Variants in PLCB4 observed in about 807,000 individuals in gnomAD.
PLCB4 encodes the protein 1-phosphatidylinositol 4,5-bisphosphate phosphodiesterase beta-4.
A neutral mutation model predicts 178.8 loss-of-function variants in PLCB4; 77 were observed. That is an observed-to-expected ratio of 0.43 (90% CI 0.36 to 0.52). The LOEUF (loss-of-function observed/expected upper bound fraction) is 0.52. Among genes scored for constraint, PLCB4 ranks in the 20% least tolerant of loss-of-function variants. The pLI is 0.00. For synonymous variants in PLCB4, 496 were observed against 490.8 expected (o/e 1.01, Z -0.14); for missense variants, 1,024 against 1,453.4 (o/e 0.70, Z 4.80).
intron 1 of PLCB4, among the ~76,000 whole-genome samples, chr20:9,082,249 A>G (rs1393357146): frequency 6.6e-6 from 1 of 152,218 alleles, no homozygotes; most frequent in Non-Finnish European, 1.5e-5. Flanking sequence ...TCTTTTCAAA[A>G]TGACCTGCAA....
chr20:9,333,306 T>G (rs1488343333), intron 4 of PLCB4, among the ~76,000 whole-genome samples: 1 of 152,036 alleles, frequency 6.6e-6, no homozygotes, highest in Non-Finnish European at 1.5e-5. Context: ...AGTCAGTAAA[T>G]CAAGGATCAG....
chr20:9,154,634 C>T (rs896517767), intron 2 of PLCB4, among the ~76,000 whole-genome samples: 1 of 152,072 alleles, frequency 6.6e-6, no homozygotes, highest in Non-Finnish European at 1.5e-5. Context: ...AGATATTGAT[C>T]AGCTACCATA....
intron 12 of PLCB4, among the ~76,000 whole-genome samples, chr20:9,374,266 A>G (rs1046291420): frequency 7.2e-5 from 11 of 152,298 alleles, no homozygotes; most frequent in Middle Eastern, 3.4e-3. Flanking sequence ...TTCGTGTACA[A>G]TACAATGTTT....
chr20:9,436,897 G>A (rs2041806924), intron 29 of PLCB4, 105 bp from the exon 30 acceptor site: 1 of 1,053,334 alleles, frequency 9.5e-7, no homozygotes, highest in African/African-American at 1.6e-5. Context: ...AGAAGTCTAG[G>A]AAGAGTATGG....
At chr20:9,310,943 T>C (rs2094826447) in intron 4 of PLCB4, among the ~76,000 whole-genome samples, 1 of 152,250 alleles carries the variant, frequency 6.6e-6, no homozygotes, top group Admixed American at 6.5e-5. Flanking sequence ...ATGACACTTC[T>C]AATTCTGTAC....
intron 2 of PLCB4, among the ~76,000 whole-genome samples, chr20:9,173,193 C>T (rs578202008): frequency 2.5e-4 from 38 of 152,302 alleles, no homozygotes; most frequent in African/African-American, 8.2e-4. Flanking sequence ...ATTGTTTTAT[C>T]CATCCTGTGT....
intron 20 of PLCB4, among the ~76,000 whole-genome samples, chr20:9,404,229 G>C (rs1038138107): frequency 2.0e-5 from 3 of 152,166 alleles, no homozygotes; most frequent in African/African-American, 7.2e-5. Context: ...TGGTGCAAAG[G>C]TGTGGCCCTT....
Position 9,142,383 on chromosome 20 carries a change from T to C in PLCB4, c.-79+46041T>C, listed in dbSNP as rs140761409. ...TGGAAATGGATGGTCACGCCAAGGT[T>C]GTGTGGACCAGAGGAATGGAATAGC... On this transcript the variant is annotated intron_variant, in intron 2 of 39. Coordinates refer to ENST00000378473, the MANE Select transcript of PLCB4 (RefSeq NM_001377142.1). Among the ~76,000 whole-genome samples, 16 of 152,228 alleles carry C rather than the reference T, an allele frequency of 1.1e-4. No individual in the cohort carries two copies. In the East Asian group the frequency reaches 2.7e-3, roughly 26 times the overall value.
intron 10 of PLCB4, 26 bp downstream of exon 10, chr20:9,371,321 T>C: frequency 8.0e-7 from 1 of 1,243,856 alleles, no homozygotes; most frequent in South Asian, 1.2e-5. Flanking sequence ...ATAATGTATT[T>C]CTAAAACCAT....
intron 1 of PLCB4, among the ~76,000 whole-genome samples, chr20:9,078,133 A>AGCACACCTG (rs2089962267): frequency 6.6e-6 from 1 of 151,866 alleles, no homozygotes; most frequent in African/African-American, 2.4e-5. Context: ...GGCGCACACT[A>AGCACACCTG]GCACACCTGG....
At chr20:9,419,733 C>A in intron 25 of PLCB4, 74 bp from the exon 26 acceptor site, 1 of 902,350 alleles carries the variant, frequency 1.1e-6, no homozygotes, top group Non-Finnish European at 1.9e-6. Flanking sequence ...AAGGAAGCAT[C>A]CATTGTTTCA....
intron 4 of PLCB4, among the ~76,000 whole-genome samples, chr20:9,326,831 G>A (rs1366485893): frequency 6.6e-6 from 1 of 152,064 alleles, no homozygotes; most frequent in African/African-American, 2.4e-5. Context: ...AGTCAACCCA[G>A]AGTTACGAAC....
At chr20:9,369,183 A>C (rs1452195698) in intron 9 of PLCB4, among the ~76,000 whole-genome samples, 1 of 152,058 alleles carries the variant, frequency 6.6e-6, no homozygotes, top group Non-Finnish European at 1.5e-5. Context: ...CTCAGTCTCC[A>C]CACCCGCTGA....
chr20:9,221,765 C>T (rs1385788874), intron 3 of PLCB4, among the ~76,000 whole-genome samples: 2 of 152,136 alleles, frequency 1.3e-5, no homozygotes, highest in Non-Finnish European at 2.9e-5. Context: ...CATTTCAAAG[C>T]TTTCCTTAGT....
At chr20:9,352,191 T>A (rs1347053827) in intron 7 of PLCB4, among the ~76,000 whole-genome samples, 1 of 152,218 alleles carries the variant, frequency 6.6e-6, no homozygotes, top group Non-Finnish European at 1.5e-5. Context: ...GATGTAGGAA[T>A]GTAGTTGGTC....
intron 2 of PLCB4, among the ~76,000 whole-genome samples, chr20:9,105,241 A>G (rs2091318292): frequency 6.6e-6 from 1 of 152,180 alleles, no homozygotes; most frequent in South Asian, 2.1e-4. Flanking sequence ...CCAAAATAAC[A>G]GTACAACCAT....
chr20:9,453,363 A>G lies in PLCB4; in HGVS notation c.2897A>G (p.Gln966Arg). Residue 966 changes from glutamine (Q) to arginine (R), a missense_variant, in exon 33 of 40, where the codon CAG becomes CGG. By Grantham distance (43) the Gln-to-Arg change is conservative (BLOSUM62 1). This residue lies in a region of PLCB4 where 264 missense variants were observed against 283.2 expected (regional missense o/e 0.93). Transcript: ENST00000378473. ...CTTGTTCAGGAACACAGTACCATGC[A>G]GAAGTTACACTGCACGCAAGTTGAC... The part of the protein sequence containing the change: ...KKHAKEHSTM[Q>R]KLHCTQVDKI... 1 of 1,608,710 alleles carries G rather than the reference A, an allele frequency of 6.2e-7. No individual in the cohort carries two copies. The highest frequency in any genetic ancestry group is 8.5e-7 in the Non-Finnish European group (1 of 1,175,418).
intron 2 of PLCB4, among the ~76,000 whole-genome samples, chr20:9,151,358 A>G (rs909926752): frequency 5.3e-5 from 8 of 152,086 alleles, no homozygotes; most frequent in Non-Finnish European, 1.2e-4. Flanking sequence ...GATGGCTGAT[A>G]TGGTTTGGCT....
At chr20:9,433,871 C>T (rs145948978) in intron 28 of PLCB4, among the ~76,000 whole-genome samples, 1 of 152,270 alleles carries the variant, frequency 6.6e-6, no homozygotes, top group African/African-American at 2.4e-5. Context: ...GACCTTCTCA[C>T]ATGCCACTGG....
Sources: allele counts gnomAD v4.1 joint callset (sites outside exome capture counted in the v4.1 genomes callset), GRCh38; gene constraint gnomAD v4.1.1; regional missense constraint gnomAD v4.1.1; transcripts MANE v1.5; gene names NCBI Gene and HGNC (gene_info 2026-07-23, HGNC 2026-07-21).